The following TAFA1 variants were observed in gnomAD, a reference collection of about 807,000 sequenced individuals.
TAFA1 encodes TAFA chemokine like family member 1, also known as chemokine-like protein TAFA-1.
In TAFA1, 4 loss-of-function variants were observed where a neutral mutation model predicts 18.5. The ratio of observed to expected loss-of-function variants is 0.22; its 90% confidence interval spans 0.11 to 0.49. TAFA1 has a LOEUF of 0.49. Among genes scored for constraint, TAFA1 ranks in the 20% least tolerant of loss-of-function variants. The probability of loss-of-function intolerance (pLI) is 0.98; values close to 1 mark genes in which losing one functional copy is unlikely to be tolerated. For missense variants in TAFA1, 147 were observed against 169.0 expected (o/e 0.87, Z 0.72); for synonymous variants, 56 against 55.2 (o/e 1.01, Z -0.06).
intron 2 of TAFA1, among the ~76,000 whole-genome samples, chr3:68,141,594 A>C (rs866747338): frequency 3.3e-5 from 5 of 152,156 alleles, no homozygotes; most frequent in Middle Eastern, 3.2e-3. Flanking sequence ...ATCAGACTAA[A>C]TCCTAATACC....
At chr3:68,168,832 C>G (rs1029251902) in intron 2 of TAFA1, among the ~76,000 whole-genome samples, 5 of 152,280 alleles carry the variant, frequency 3.3e-5, no homozygotes, top group African/African-American at 1.2e-4. Context: ...CCAGGAGTCC[C>G]TCTCAGCCCA....
At chr3:68,057,322 G>C (rs950314041) in intron 2 of TAFA1, among the ~76,000 whole-genome samples, 1 of 152,162 alleles carries the variant, frequency 6.6e-6, no homozygotes, top group African/African-American at 2.4e-5. Context: ...CCCAAGGCCA[G>C]CTCGTTCTCA....
intron 2 of TAFA1, among the ~76,000 whole-genome samples, chr3:68,288,104 A>G (rs1424297893): frequency 1.3e-5 from 2 of 152,092 alleles, no homozygotes; most frequent in African/African-American, 4.8e-5. Context: ...CTCTCTGGTC[A>G]TGGGTGATCT....
intron 2 of TAFA1, among the ~76,000 whole-genome samples, chr3:68,277,782 A>ATTC (rs937642193): frequency 1.3e-5 from 2 of 152,152 alleles, no homozygotes; most frequent in Non-Finnish European, 2.9e-5. Flanking sequence ...GATACGCACA[A>ATTC]AAGCATTGAG....
At chr3:68,219,494 T>G (rs1379477879) in intron 2 of TAFA1, among the ~76,000 whole-genome samples, 1 of 152,084 alleles carries the variant, frequency 6.6e-6, no homozygotes, top group East Asian at 1.9e-4. Flanking sequence ...TCATTCTAGT[T>G]TGGCCTCTAC....
At chr3:68,471,943 G>T (rs1269682649) in intron 3 of TAFA1, among the ~76,000 whole-genome samples, 1 of 152,140 alleles carries the variant, frequency 6.6e-6, no homozygotes, top group Non-Finnish European at 1.5e-5. Flanking sequence ...CAGCCTCATA[G>T]GTGGAAGCGA....
At chr3:68,514,189 T>C (rs2072888849) in intron 3 of TAFA1, among the ~76,000 whole-genome samples, 1 of 152,172 alleles carries the variant, frequency 6.6e-6, no homozygotes, top group Non-Finnish European at 1.5e-5. Flanking sequence ...GAATTCAATG[T>C]ATGAATTCTG....
chr3:68,080,718 T>G (rs377469200), intron 2 of TAFA1, among the ~76,000 whole-genome samples: 1 of 152,228 alleles, frequency 6.6e-6, no homozygotes, highest in Admixed American at 6.5e-5. Flanking sequence ...GAGGGTAACC[T>G]GACCTTTCTC....
At chr3:68,292,428 A>AAC (rs2068126447) in intron 2 of TAFA1, among the ~76,000 whole-genome samples, 1 of 151,598 alleles carries the variant, frequency 6.6e-6, no homozygotes, top group South Asian at 2.1e-4. Context: ...AAAAAACAAA[A>AAC]AAAAAAACCC....
At chr3:68,345,307 G>T (rs1351689370) in intron 2 of TAFA1, among the ~76,000 whole-genome samples, 1 of 152,156 alleles carries the variant, frequency 6.6e-6, no homozygotes. Context: ...CAGGCAGAGA[G>T]GCCTAGAAGA....
chr3:68,197,359 G>A (rs2066422431), intron 2 of TAFA1, among the ~76,000 whole-genome samples: 1 of 151,636 alleles, frequency 6.6e-6, no homozygotes, highest in African/African-American at 2.4e-5. Context: ...ATGGTATGGA[G>A]TATTTGCCTT....
intron 2 of TAFA1, among the ~76,000 whole-genome samples, chr3:68,081,357 G>T (rs983232919): frequency 6.6e-6 from 1 of 152,136 alleles, no homozygotes; most frequent in East Asian, 1.9e-4. Flanking sequence ...TGCTGGTGAG[G>T]ACCTGCGTTC....
chr3:68,538,760 C>T lies in TAFA1; in HGVS notation c.264C>T (p.Ser88=). The T allele has an allele frequency of 6.2e-7, 1 of 1,613,432 alleles. No individual in the cohort carries two copies. The highest frequency in any genetic ancestry group is 8.5e-7 in the Non-Finnish European group (1 of 1,179,626). The change falls in exon 4 of 5, where the codon TCC becomes TCT. Residue 88 remains serine, a synonymous_variant. Coordinates refer to ENST00000478136, the MANE Select transcript of TAFA1 (RefSeq NM_213609.4). ...TTGTTTCCTGTTTCTGCACAGCCTC[C>T]ATAGTGATTGGGAAATGGTGGTGTG... ...TRNRPSCVDA[S]IVIGKWWCEM...
intron 2 of TAFA1, among the ~76,000 whole-genome samples, chr3:68,068,046 T>C (rs999972694): frequency 3.9e-5 from 6 of 152,200 alleles, no homozygotes; most frequent in African/African-American, 1.2e-4. Flanking sequence ...TTGCAGTTCT[T>C]CACATGGCAG....
chr3:68,377,930 T>C (rs1430850510), intron 2 of TAFA1, among the ~76,000 whole-genome samples: 7 of 152,154 alleles, frequency 4.6e-5, no homozygotes, highest in Non-Finnish European at 8.8e-5. Flanking sequence ...CACGTGGTGA[T>C]GGGCCTGTGG....
At chr3:68,104,614 A>G (rs1037003627) in intron 2 of TAFA1, among the ~76,000 whole-genome samples, 1 of 152,110 alleles carries the variant, frequency 6.6e-6, no homozygotes, top group Non-Finnish European at 1.5e-5. Flanking sequence ...TTGGCAAACT[A>G]TAGCCTAGAA....
intron 2 of TAFA1, among the ~76,000 whole-genome samples, chr3:68,281,341 C>A (rs574634221): frequency 6.6e-6 from 1 of 152,008 alleles, no homozygotes; most frequent in Non-Finnish European, 1.5e-5. Flanking sequence ...TATCTTTATA[C>A]CATGTTAATA....
intron 2 of TAFA1, among the ~76,000 whole-genome samples, chr3:68,411,787 C>G (rs888792002): frequency 3.3e-5 from 5 of 152,106 alleles, no homozygotes; most frequent in African/African-American, 4.8e-5. Context: ...TGCCAAAGAT[C>G]TAAAAATTTT....
chr3:68,259,201 A>G (rs2067358898), intron 2 of TAFA1, among the ~76,000 whole-genome samples: 1 of 152,084 alleles, frequency 6.6e-6, no homozygotes, highest in Non-Finnish European at 1.5e-5. Context: ...ATCCTAACGA[A>G]ATTATGCCAT....
Sources: allele counts gnomAD v4.1 joint callset (sites outside exome capture counted in the v4.1 genomes callset), GRCh38; gene constraint gnomAD v4.1.1; transcripts MANE v1.5; gene names NCBI Gene and HGNC (gene_info 2026-07-23, HGNC 2026-07-21).